DTL: variants seen among roughly 807,000 people sequenced by gnomAD.
DTL encodes the protein denticleless protein homolog.
Under a neutral mutation model 87.0 loss-of-function variants are expected in DTL, and 46 were observed. That is an observed-to-expected ratio of 0.53 (90% confidence interval 0.42 to 0.68). The LOEUF (loss-of-function observed/expected upper bound fraction) is 0.68, where lower values mean the gene tolerates loss of function less well. Among genes scored for constraint, DTL ranks in the 30% least tolerant of loss-of-function variants. The pLI is 0.00. For synonymous variants in DTL, 308 were observed against 311.2 expected, an observed-to-expected ratio of 0.99 and a Z score of 0.11; for missense variants, 737 against 869.4, an observed-to-expected ratio of 0.85 and a Z score of 1.91.
intron 13 of DTL, among the ~76,000 whole-genome samples, chr1:212,087,717 A>C (rs962977951): frequency 2.6e-5 from 4 of 151,774 alleles, no homozygotes; most frequent in Admixed American, 1.3e-4. Context: ...TGACCATTCG[A>C]CTCTCTAAGC....
rs1476430946 is a variant in DTL at position 212,100,620 on chromosome 1, T to A, written c.1630T>A (p.Cys544Ser). 1 of 1,614,062 alleles carries A rather than the reference T, an allele frequency of 6.2e-7. No homozygotes were observed. Residue 544 changes from cysteine (C) to serine (S), a missense_variant, in exon 14 of 15, where the codon TGC becomes AGC. Cys to Ser is a moderately radical substitution (Grantham distance 112). Transcript: ENST00000366991. ...CCAGAAGTCATCCCAAGCAGAGGCT[T>A]GCTCTGAGTCTAGAAATAGAGTAAA... ...VSQKSSQAEA[C>S]SESRNRVKRR...
At chr1:212,048,902 TTTTG>T (rs142929243) in intron 5 of DTL, among the ~76,000 whole-genome samples, 81,638 of 150,376 alleles carry the variant, frequency 0.54, 22,457 homozygotes, top group Non-Finnish European at 0.59. Flanking sequence ...TGGACTGGTT[TTTTG>T]TTTGTTTGTT....
At position 212,104,593 on chromosome 1, in the gene DTL, T is replaced by TG. The variant is rs1005908560; in HGVS notation, c.*1654dup. 9 of 151,418 alleles carry TG rather than the reference T, an allele frequency of 5.9e-5. No homozygotes were observed. The highest frequency in any genetic ancestry group is 4.6e-4 in the Admixed American group (7 of 15,212). The allele number at this position is 151,418 out of a possible 1,614,324, so 9.4% of individuals were successfully genotyped here. A position where few individuals can be genotyped will look rare whatever the true frequency, so the allele number is the denominator to read the frequency against. On this transcript the variant is annotated 3_prime_UTR_variant, in exon 15 of 15. Coordinates refer to ENST00000366991, the MANE Select transcript of DTL (RefSeq NM_016448.4). ...AAAGCCAATGGGGGAAAAAAATCCA[T>TG]GAAAAAAAAAAGATTGATAAAGTAG... is the stretch of plus-strand genomic sequence containing the variant.
chr1:212,080,367 C>A, intron 12 of DTL: 1 of 300,730 alleles, frequency 3.3e-6, no homozygotes, highest in Non-Finnish European at 6.1e-6. Context: ...AAGAAATGAC[C>A]AGTAACAAAA....
At chr1:212,088,028 T>C (rs1296777297) in intron 13 of DTL, among the ~76,000 whole-genome samples, 3 of 152,190 alleles carry the variant, frequency 2.0e-5, no homozygotes, top group Admixed American at 2.0e-4. Context: ...TTGAAACCAA[T>C]AGTCCTCAAT....
chr1:212,068,177 G>T, intron 8 of DTL, 47 bp from the exon 9 acceptor site: 1 of 1,258,576 alleles, frequency 7.9e-7, no homozygotes, highest in Non-Finnish European at 1.1e-6. Flanking sequence ...GAAGTTGTTT[G>T]GGGTTGGAAG....
intron 13 of DTL, among the ~76,000 whole-genome samples, chr1:212,091,513 G>A (rs1190465355): frequency 6.6e-6 from 1 of 152,186 alleles, no homozygotes; most frequent in African/African-American, 2.4e-5. Context: ...GTTCACTGCA[G>A]CACTATTCAC....
chr1:212,095,358 T>C (rs1263077746), intron 13 of DTL, among the ~76,000 whole-genome samples: 1 of 152,154 alleles, frequency 6.6e-6, no homozygotes, highest in Non-Finnish European at 1.5e-5. Context: ...GATCATGTGT[T>C]TTCGTTTGTT....
chr1:212,044,791 T>G, intron 3 of DTL, 33 bp downstream of exon 3: 1 of 1,274,880 alleles, frequency 7.8e-7, no homozygotes, highest in African/African-American at 1.5e-5. Flanking sequence ...TGTTTTAACA[T>G]TTAAAAAACT....
intron 11 of DTL, among the ~76,000 whole-genome samples, chr1:212,076,212 G>A (rs1654824847): frequency 6.6e-6 from 1 of 152,100 alleles, no homozygotes; most frequent in South Asian, 2.1e-4. Context: ...TAATTCTCCT[G>A]GGAGTGTAGG....
intron 7 of DTL, among the ~76,000 whole-genome samples, chr1:212,065,899 G>T (rs113599153): frequency 0.02 from 3,079 of 152,064 alleles, 33 homozygotes; most frequent in African/African-American, 0.026. Context: ...TAGAGACGGG[G>T]TTTCACCGTG....
chr1:212,073,080 A>G (rs1040600340), intron 11 of DTL, among the ~76,000 whole-genome samples: 10 of 152,128 alleles, frequency 6.6e-5, no homozygotes, highest in Admixed American at 5.2e-4. Context: ...TCTTTTAAAT[A>G]ACTTTTTTAA....
intron 13 of DTL, among the ~76,000 whole-genome samples, chr1:212,092,314 C>T (rs534635642): frequency 2.6e-5 from 4 of 152,254 alleles, no homozygotes; most frequent in Admixed American, 2.0e-4. Flanking sequence ...GCAGGTGGAT[C>T]ACCTGAGGTC....
intron 5 of DTL, among the ~76,000 whole-genome samples, chr1:212,050,442 T>C (rs915980850): frequency 1.3e-5 from 2 of 152,234 alleles, no homozygotes; most frequent in Non-Finnish European, 2.9e-5. Flanking sequence ...TTAGAACTTC[T>C]AGTGGATAAT....
In DTL at chr1:212,100,360, A is replaced by T; in HGVS notation, c.1370A>T (p.Asp457Val). Residue 457 changes from aspartate (D) to valine (V), a missense_variant, in exon 14 of 15, where the codon GAC (aspartate) becomes GTC (valine). Coordinates refer to ENST00000366991, the MANE Select transcript of DTL (RefSeq NM_016448.4). ...SAACAPSCAG[D>V]LPLPSNTPTF... is the part of the protein sequence containing the mutation. ...GCTTGTGCCCCAAGCTGTGCTGGAG[A>T]CCTCCCTCTTCCTTCAAATACTCCT... The T allele has an allele frequency of 1.3e-6, 2 of 1,534,340 alleles. No homozygotes were observed. Among genetic ancestry groups the T allele is most frequent in the Non-Finnish European group, 1.8e-6 (2 of 1,108,814 alleles).
At chr1:212,080,502 T>C (rs1334246326) in intron 12 of DTL, 113 bp from the exon 13 acceptor site, 4 of 954,000 alleles carry the variant, frequency 4.2e-6, no homozygotes, top group Non-Finnish European at 6.2e-6. Flanking sequence ...CTATATCCTG[T>C]TTATTAGACA....
intron 10 of DTL, 51 bp from the exon 11 acceptor site, chr1:212,072,050 G>T: frequency 7.7e-7 from 1 of 1,294,426 alleles, no homozygotes; most frequent in South Asian, 1.2e-5. Context: ...ATATCCATTT[G>T]ACCACTAGAA....
At chr1:212,101,987 G>A (rs569556892) in intron 14 of DTL, among the ~76,000 whole-genome samples, 6 of 152,238 alleles carry the variant, frequency 3.9e-5, no homozygotes, top group South Asian at 4.2e-4. Context: ...TTGTGGTGGC[G>A]GGATGATTGA....
intron 13 of DTL, among the ~76,000 whole-genome samples, chr1:212,096,134 A>G (rs1295542860): frequency 1.3e-5 from 2 of 152,156 alleles, no homozygotes; most frequent in East Asian, 3.9e-4. Context: ...CATCTCCTCT[A>G]GGTTTTCTAG....
Sources: gnomAD v4.1 joint callset for allele counts (sites outside exome capture counted in the v4.1 genomes callset) on GRCh38, gnomAD v4.1.1 for gene constraint, MANE v1.5 for transcripts, NCBI Gene and HGNC (gene_info 2026-07-23, HGNC 2026-07-21) for gene names.